Variants in PTCHD4 observed in about 807,000 individuals in gnomAD.
The protein encoded by PTCHD4 is patched domain containing 4.
Under a neutral mutation model 58.1 loss-of-function variants are expected in PTCHD4, and 33 were observed. The ratio of observed to expected loss-of-function variants is 0.57; its 90% CI spans 0.43 to 0.76. PTCHD4 has a LOEUF of 0.76. PTCHD4 is among the 30% of genes least tolerant of loss of function. The pLI is 0.00. For synonymous variants in PTCHD4, 478 were observed against 409.6 expected (o/e 1.17, Z -2.02); for missense variants, 1,058 against 1,027.1 (o/e 1.03, Z -0.41).
intron 4 of PTCHD4, among the ~76,000 whole-genome samples, chr6:47,880,517 C>T (rs147849752): frequency 2.0e-4 from 25 of 125,192 alleles, no homozygotes; most frequent in African/African-American, 6.0e-4. Context: ...TAATTAGCTC[C>T]GGATGTGAGT....
chr6:48,108,854 C>T (rs755340028), intron 1 of PTCHD4, among the ~76,000 whole-genome samples: 3 of 151,126 alleles, frequency 2.0e-5, no homozygotes, highest in African/African-American at 4.9e-5. Flanking sequence ...TTTTGGAAAA[C>T]ATTAATAAAC....
intron 1 of PTCHD4, among the ~76,000 whole-genome samples, chr6:48,090,420 T>C (rs745870446): frequency 3.3e-5 from 5 of 152,180 alleles, no homozygotes; most frequent in Non-Finnish European, 7.3e-5. Context: ...AATGGATAGT[T>C]AACTTATATT....
intron 4 of PTCHD4, among the ~76,000 whole-genome samples, chr6:47,924,079 G>T (rs548060473): frequency 7.9e-5 from 12 of 152,100 alleles, no homozygotes; most frequent in Non-Finnish European, 1.3e-4. Flanking sequence ...GCACCTTGCC[G>T]GCTACATCCT....
At chr6:47,917,777 C>T (rs2113879157) in intron 4 of PTCHD4, among the ~76,000 whole-genome samples, 1 of 152,158 alleles carries the variant, frequency 6.6e-6, no homozygotes, top group Admixed American at 6.6e-5. Context: ...GACATACCTG[C>T]AATTTATTTC....
rs951367619 is a variant in PTCHD4, at chr6:47,991,228, A to G, written c.898+17406T>C. 7.2e-5 allele frequency among the ~76,000 whole-genome samples: 11 copies of G among 152,294 alleles called. No homozygotes were observed. The South Asian group carries it at 2.3e-3, about 32-fold the overall frequency. On this transcript the variant is annotated intron_variant, in intron 4 of 4. Transcript: ENST00000339488. ...TAGAATAAATCAATCAAAGGAAGTCATATCTAGATATATCACAGCGAAACT... is the reference window on the plus strand; with the variant it reads ...TAGAATAAATCAATCAAAGGAAGTCGTATCTAGATATATCACAGCGAAACT...
At chr6:48,085,956 C>T (rs1242750449) in intron 1 of PTCHD4, among the ~76,000 whole-genome samples, 1 of 151,932 alleles carries the variant, frequency 6.6e-6, no homozygotes, top group East Asian at 1.9e-4. Context: ...ATCCACACTC[C>T]ATTGTACTAT....
chr6:48,053,187 T>A (rs1006580858), intron 3 of PTCHD4, among the ~76,000 whole-genome samples: 3 of 152,102 alleles, frequency 2.0e-5, no homozygotes, highest in Non-Finnish European at 2.9e-5. Flanking sequence ...TAACATTTTG[T>A]TTACAGGTGA....
intron 4 of PTCHD4, among the ~76,000 whole-genome samples, chr6:47,931,469 T>G (rs2113906001): frequency 6.6e-6 from 1 of 152,310 alleles, no homozygotes. Flanking sequence ...AAATGGCAGC[T>G]GAAAAGCTAA....
chr6:47,951,361 C>T (rs1413961511), intron 4 of PTCHD4, among the ~76,000 whole-genome samples: 1 of 152,152 alleles, frequency 6.6e-6, no homozygotes, highest in Non-Finnish European at 1.5e-5. Flanking sequence ...CTAGATGACT[C>T]TAAGACACTG....
At position 48,068,545 on chromosome 6, in the gene PTCHD4, G is replaced by T; in HGVS notation, c.102C>A (p.Cys34Ter). 1 of 1,606,068 alleles carries T rather than the reference G, an allele frequency of 6.2e-7. No individual in the cohort carries two copies. Among genetic ancestry groups the T allele is most frequent in the Non-Finnish European group, 8.5e-7 (1 of 1,178,120 alleles). ...GGAAAAAGACCGGGTGCCGGCTCAC[G>T]CACAAACCCAGCCTGTGGCAGAACG... ...LQSFCHRLGL[C>*]VSRHPVFFLT... Residue 34 changes from cysteine (C) to a stop codon, truncating the protein, a stop_gained, in exon 3 of 5, where the codon TGC (cysteine) becomes TGA (stop). Transcript: ENST00000339488. LOFTEE classifies it high-confidence loss of function. This position sits in a 1 kb window ranked among gnomAD's most constrained non-coding sequence, Gnocchi z 4.2.
intron 3 of PTCHD4, among the ~76,000 whole-genome samples, chr6:48,059,289 G>A (rs1166761438): frequency 6.6e-6 from 1 of 152,140 alleles, no homozygotes; most frequent in Non-Finnish European, 1.5e-5. Flanking sequence ...ATTATGAGCT[G>A]ATTTAATACA....
chr6:48,076,486 G>A (rs1274781279), intron 1 of PTCHD4, among the ~76,000 whole-genome samples: 1 of 152,182 alleles, frequency 6.6e-6, no homozygotes, highest in Non-Finnish European at 1.5e-5. Flanking sequence ...ATCTATGGCA[G>A]CTAAGGGCCT....
intron 3 of PTCHD4, among the ~76,000 whole-genome samples, chr6:48,067,513 A>G (rs1764839909): frequency 6.6e-6 from 1 of 152,110 alleles, no homozygotes; most frequent in Admixed American, 6.5e-5. Flanking sequence ...TTGCTATGCA[A>G]ACACCCATAC....
chr6:47,904,335 G>A (rs934113484), intron 4 of PTCHD4, among the ~76,000 whole-genome samples: 2 of 152,198 alleles, frequency 1.3e-5, no homozygotes, highest in Non-Finnish European at 2.9e-5. Context: ...TGGCAAACTA[G>A]AGCCTGTGGG....
At chr6:47,893,465 T>G (rs1335839424) in intron 4 of PTCHD4, among the ~76,000 whole-genome samples, 1 of 152,238 alleles carries the variant, frequency 6.6e-6, no homozygotes, top group Non-Finnish European at 1.5e-5. Context: ...TAATATACTT[T>G]GGAGTCATCA....
intron 1 of PTCHD4, among the ~76,000 whole-genome samples, chr6:48,084,296 T>C (rs1309114254): frequency 2.0e-5 from 3 of 152,244 alleles, no homozygotes; most frequent in Admixed American, 6.5e-5. Flanking sequence ...TTTTAACATG[T>C]GATTACATTT....
At chr6:47,971,783 G>C (rs76660172) in intron 4 of PTCHD4, among the ~76,000 whole-genome samples, 16 of 152,100 alleles carry the variant, frequency 1.1e-4, no homozygotes, top group Non-Finnish European at 2.4e-4. Context: ...AGGATCCTCA[G>C]AATCAAATCT....
intron 1 of PTCHD4, among the ~76,000 whole-genome samples, chr6:48,110,343 G>A (rs1172704140): frequency 6.6e-6 from 1 of 152,094 alleles, no homozygotes; most frequent in Admixed American, 6.6e-5. Flanking sequence ...AGGACACTTT[G>A]CTAAGTGAAA....
At position 47,877,211 on chromosome 6, in the gene PTCHD4, C is replaced by G. The variant is rs963201781; in HGVS notation, c.*1092G>C. ...AGTTTCCTAGTTATGTCTCCTTTCT[C>G]CTATGTTAATTATCTATATTCCATG... On this transcript the variant is annotated 3_prime_UTR_variant, in exon 5 of 5. Transcript: ENST00000339488. Among the ~76,000 whole-genome samples the G allele has an allele frequency of 6.6e-6, 1 of 151,946 alleles. No individual in the cohort carries two copies. Among genetic ancestry groups the G allele is most frequent in the South Asian group, 2.1e-4 (1 of 4,822 alleles).
Sources: allele counts gnomAD v4.1 joint callset (sites outside exome capture counted in the v4.1 genomes callset), GRCh38; gene constraint gnomAD v4.1.1; non-coding constraint Gnocchi (gnomAD v3.1); transcripts MANE v1.5; gene names NCBI Gene and HGNC (gene_info 2026-07-23, HGNC 2026-07-21).